OPCML: variants seen among roughly 807,000 people sequenced by gnomAD.
OPCML encodes the protein opioid binding protein/cell adhesion molecule like, also known as opioid-binding protein/cell adhesion molecule.
A neutral mutation model predicts 37.8 loss-of-function variants in OPCML; 13 were observed. That is an observed-to-expected ratio of 0.34 (90% CI 0.22 to 0.55). OPCML has a LOEUF of 0.55. OPCML is among the 20% of genes least tolerant of loss of function. The pLI is 0.91. For synonymous variants in OPCML, 176 were observed against 168.8 expected, an observed-to-expected ratio of 1.04 and a Z score of -0.33; for missense variants, 341 against 435.6, an observed-to-expected ratio of 0.78 and a Z score of 1.93.
intron 2 of OPCML, among the ~76,000 whole-genome samples, chr11:132,915,404 G>C (rs1270123691): frequency 6.6e-6 from 1 of 152,190 alleles, no homozygotes; most frequent in East Asian, 1.9e-4. Flanking sequence ...CAAGACCTCA[G>C]CCTGTGCAAC....
chr11:133,348,240 CATTGATTCACCAGAGCCCAGATGCCA>C (rs1330068692), intron 1 of OPCML, among the ~76,000 whole-genome samples: 10 of 152,240 alleles, frequency 6.6e-5, no homozygotes, highest in Non-Finnish European at 1.5e-4. Flanking sequence ...AAACGAGAGC[CATTGATTCACCAGAGCCCAGATGCCA>C]ATTGAATCTC....
intron 7 of OPCML, 83 bp downstream of exon 7, chr11:132,436,002 AG>A: frequency 1.4e-6 from 2 of 1,435,180 alleles, no homozygotes. Flanking sequence ...ACACAGGCCA[AG>A]CAGATTGCAA....
intron 1 of OPCML, among the ~76,000 whole-genome samples, chr11:133,391,120 C>G (rs1236411975): frequency 6.6e-6 from 1 of 152,144 alleles, no homozygotes; most frequent in East Asian, 1.9e-4. Flanking sequence ...GGTCAAGCTG[C>G]GGAATGAATG....
At chr11:132,944,493 A>G (rs1945698776) in intron 1 of OPCML, among the ~76,000 whole-genome samples, 1 of 152,136 alleles carries the variant, frequency 6.6e-6, no homozygotes, top group Admixed American at 6.5e-5. Flanking sequence ...GTGCCCCTCC[A>G]CTGGACGCCT....
chr11:132,735,135 T>C (rs1945211817), intron 2 of OPCML, among the ~76,000 whole-genome samples: 2 of 152,172 alleles, frequency 1.3e-5, no homozygotes, highest in Admixed American at 1.3e-4. Flanking sequence ...GTACTGGTTT[T>C]GAATACTCCC....
At chr11:133,433,270 A>AAAAAAAAAAAAAAAAAAAAAAAAAAAAC (rs59680725) in intron 1 of OPCML, among the ~76,000 whole-genome samples, 1 of 151,118 alleles carries the variant, frequency 6.6e-6, no homozygotes, top group African/African-American at 2.5e-5. Flanking sequence ...AAAAAAAAAA[A>AAAAAAAAAAAAAAAAAAAAAAAAAAAAC]TATTACTGAT....
intron 4 of OPCML, among the ~76,000 whole-genome samples, chr11:132,493,062 G>T (rs2096221008): frequency 6.6e-6 from 1 of 152,212 alleles, no homozygotes; most frequent in African/African-American, 2.4e-5. Flanking sequence ...TCCAGGACCA[G>T]ATGTGAGAAC....
intron 1 of OPCML, among the ~76,000 whole-genome samples, chr11:133,489,399 C>A (rs1281392401): frequency 6.6e-6 from 1 of 151,558 alleles, no homozygotes; most frequent in Non-Finnish European, 1.5e-5. Flanking sequence ...AAACAAATAA[C>A]CCCATTTAAA....
chr11:132,649,979 TCA>T, intron 3 of OPCML, among the ~76,000 whole-genome samples: 1 of 151,832 alleles, frequency 6.6e-6, no homozygotes, highest in Non-Finnish European at 1.5e-5. Context: ...TCTTCTGCAG[TCA>T]CATGCACACA....
At chr11:133,322,086 A>C (rs1447211530) in intron 1 of OPCML, among the ~76,000 whole-genome samples, 1 of 152,246 alleles carries the variant, frequency 6.6e-6, no homozygotes, top group East Asian at 1.9e-4. Context: ...GCTAGTTTAA[A>C]AAAATAAAAA....
intron 4 of OPCML, among the ~76,000 whole-genome samples, chr11:132,449,303 TCTAAGATTCTATTCATGTAGATCTTGA>T (rs1373539288): frequency 6.6e-6 from 1 of 152,198 alleles, no homozygotes; most frequent in Non-Finnish European, 1.5e-5. Flanking sequence ...TCCTTTCCTT[TCTAAGATTCTATTCATGTAGATCTTGA>T]CAAGTAGCTG....
chr11:132,986,304 C>G (rs1555070232), intron 1 of OPCML, among the ~76,000 whole-genome samples: 1 of 151,830 alleles, frequency 6.6e-6, no homozygotes, highest in African/African-American at 2.4e-5. Context: ...TAAAAACTAC[C>G]TCAAGTAGTT....
intron 1 of OPCML, among the ~76,000 whole-genome samples, chr11:133,314,164 G>T (rs1313094553): frequency 6.8e-6 from 1 of 146,272 alleles, no homozygotes; most frequent in Admixed American, 6.9e-5. Context: ...GAACCCAGGA[G>T]TCGGAGCTTG....
intron 2 of OPCML, among the ~76,000 whole-genome samples, chr11:132,856,377 G>A (rs749181714): frequency 2.6e-5 from 4 of 152,188 alleles, no homozygotes; most frequent in Admixed American, 6.5e-5. Context: ...AAGTGATTGT[G>A]TTAGGGTAAG....
chr11:133,389,305 T>C (rs942849374), intron 1 of OPCML, among the ~76,000 whole-genome samples: 3 of 152,206 alleles, frequency 2.0e-5, no homozygotes, highest in Non-Finnish European at 4.4e-5. Flanking sequence ...TAGATGATTG[T>C]TGAAACCTTC....
At chr11:132,805,968 A>G (rs1938980766) in intron 2 of OPCML, among the ~76,000 whole-genome samples, 1 of 152,224 alleles carries the variant, frequency 6.6e-6, no homozygotes, top group African/African-American at 2.4e-5. Flanking sequence ...TATGACAATA[A>G]TCACACAGAA....
intron 3 of OPCML, among the ~76,000 whole-genome samples, chr11:132,578,461 G>T (rs773137827): frequency 6.6e-6 from 1 of 152,164 alleles, no homozygotes; most frequent in Non-Finnish European, 1.5e-5. Flanking sequence ...TCCTTCTTAA[G>T]TCCTAATGCT....
At chr11:132,815,405 CA>C (rs1565883833) in intron 2 of OPCML, among the ~76,000 whole-genome samples, 1 of 152,146 alleles carries the variant, frequency 6.6e-6, no homozygotes, top group African/African-American at 2.4e-5. Flanking sequence ...ATACATCAGA[CA>C]AAAATAATAG....
intron 2 of OPCML, among the ~76,000 whole-genome samples, chr11:132,809,586 G>A (rs934923571): frequency 6.6e-6 from 1 of 152,048 alleles, no homozygotes; most frequent in African/African-American, 2.4e-5. Flanking sequence ...ATAAAAGACT[G>A]GAGTCTCCAG....
Sources: gnomAD v4.1 joint callset for allele counts (sites outside exome capture counted in the v4.1 genomes callset) on GRCh38, gnomAD v4.1.1 for gene constraint, MANE v1.5 for transcripts, NCBI Gene and HGNC (gene_info 2026-07-23, HGNC 2026-07-21) for gene names.